FSTL5: variants seen among roughly 807,000 people sequenced by gnomAD.
FSTL5 encodes follistatin-related protein 5.
Under a neutral mutation model 89.1 loss-of-function variants are expected in FSTL5, and 62 were observed. The ratio of observed to expected loss-of-function variants is 0.70; its 90% confidence interval spans 0.57 to 0.86. The LOEUF (loss-of-function observed/expected upper bound fraction) is 0.86, where lower values mean the gene tolerates loss of function less well. Ranked by LOEUF, FSTL5 falls within the 40% of genes least tolerant of loss-of-function variation. The pLI is 0.00. For synonymous variants in FSTL5, 383 were observed against 346.2 expected (o/e 1.11, Z -1.18); for missense variants, 1,057 against 1,001.6 (o/e 1.06, Z -0.75).
chr4:161,527,752 C>G (rs372031164), intron 10 of FSTL5, among the ~76,000 whole-genome samples: 1 of 151,652 alleles, frequency 6.6e-6, no homozygotes, highest in African/African-American at 2.4e-5. Flanking sequence ...CCTCAGGGAT[C>G]TAGAACTAGA....
chr4:161,686,711 T>G (rs1560790000), intron 6 of FSTL5, among the ~76,000 whole-genome samples: 1 of 152,110 alleles, frequency 6.6e-6, no homozygotes, highest in Non-Finnish European at 1.5e-5. Context: ...AAAATACTTA[T>G]AATTTATTTA....
intron 1 of FSTL5, among the ~76,000 whole-genome samples, chr4:162,113,198 T>C (rs565029824): frequency 2.8e-4 from 43 of 152,204 alleles, no homozygotes; most frequent in Non-Finnish European, 5.6e-4. Flanking sequence ...CCTCGTAGTA[T>C]GCACACCTTC....
chr4:161,849,766 T>A (rs1731493820), intron 4 of FSTL5, among the ~76,000 whole-genome samples: 1 of 152,186 alleles, frequency 6.6e-6, no homozygotes, highest in Non-Finnish European at 1.5e-5. Flanking sequence ...TATGAAGTCC[T>A]AATGTCTTTA....
chr4:161,937,786 C>T (rs1734472180), intron 3 of FSTL5, among the ~76,000 whole-genome samples: 1 of 152,136 alleles, frequency 6.6e-6, no homozygotes, highest in Non-Finnish European at 1.5e-5. Context: ...CAATGGCAAA[C>T]TTAGAAGCCA....
intron 3 of FSTL5, among the ~76,000 whole-genome samples, chr4:161,945,517 G>C (rs1183656163): frequency 6.6e-6 from 1 of 152,202 alleles, no homozygotes; most frequent in Non-Finnish European, 1.5e-5. Context: ...ACTTTGGGAG[G>C]CTGAGGCAGT....
At chr4:161,748,432 G>A (rs1740277772) in intron 6 of FSTL5, among the ~76,000 whole-genome samples, 1 of 151,986 alleles carries the variant, frequency 6.6e-6, no homozygotes, top group African/African-American at 2.4e-5. Context: ...TACATTCCAT[G>A]TATCATAGTA....
intron 4 of FSTL5, among the ~76,000 whole-genome samples, chr4:161,836,609 T>C (rs1731051362): frequency 6.6e-6 from 1 of 152,012 alleles, no homozygotes; most frequent in East Asian, 1.9e-4. Flanking sequence ...TTAAGGAGTT[T>C]GGAGTGTATT....
chr4:161,438,812 G>A (rs1011177658), intron 15 of FSTL5, among the ~76,000 whole-genome samples: 1 of 151,958 alleles, frequency 6.6e-6, no homozygotes, highest in African/African-American at 2.4e-5. Context: ...AAAGAGATAA[G>A]CAATATAATC....
In FSTL5 at chr4:161,776,004, A is replaced by G. The variant is rs1038424973; in HGVS notation, c.480T>C (p.Tyr160=). The change falls in exon 5 of 16, where the codon TAT becomes TAC. Residue 160 remains tyrosine, a synonymous_variant. Coordinates refer to ENST00000306100, the MANE Select transcript of FSTL5 (RefSeq NM_020116.5). ...NMLLDLQNQK[Y]IMQENENPNG... ...TAGGATTTTCATTTTCTTGCATAAT[A>G]TATTTTTGATTTTGTAAATCTAATA... The G allele has an allele frequency of 6.3e-7, 1 of 1,597,144 alleles. No individual in the cohort carries two copies. Among genetic ancestry groups the G allele is most frequent in the Non-Finnish European group, 8.6e-7 (1 of 1,167,644 alleles).
rs557614665 is a variant in FSTL5, at chr4:161,892,750, T to C, written c.409+27654A>G. On this transcript the variant is annotated intron_variant, in intron 4 of 15. Transcript: ENST00000306100. ...GAAATTAAAATGCCTCTGAATATCA[T>C]TATTTTAATTAGTAGTTTAAAAATA... 5.3e-5 allele frequency among the ~76,000 whole-genome samples: 8 copies of C among 152,232 alleles called. No individual in the cohort carries two copies. The South Asian group carries it at 1.4e-3, about 28-fold the overall frequency.
chr4:161,501,118 A>C (rs1253228507), intron 11 of FSTL5, among the ~76,000 whole-genome samples: 1 of 152,184 alleles, frequency 6.6e-6, no homozygotes, highest in African/African-American at 2.4e-5. Flanking sequence ...AAAAGACAGC[A>C]ATAATATTAA....
At chr4:162,114,981 T>C (rs1395209612) in intron 1 of FSTL5, among the ~76,000 whole-genome samples, 4 of 152,178 alleles carry the variant, frequency 2.6e-5, no homozygotes, top group East Asian at 1.9e-4. Context: ...TATGACTGGA[T>C]TGATTTACTG....
At chr4:161,950,876 C>A (rs1466161091) in intron 3 of FSTL5, among the ~76,000 whole-genome samples, 1 of 151,970 alleles carries the variant, frequency 6.6e-6, no homozygotes, top group Non-Finnish European at 1.5e-5. Context: ...AACAATCATG[C>A]CAGAAAATAC....
intron 6 of FSTL5, among the ~76,000 whole-genome samples, chr4:161,740,015 T>C (rs1739957485): frequency 6.6e-6 from 1 of 151,522 alleles, no homozygotes; most frequent in African/African-American, 2.4e-5. Context: ...TATTTATTTA[T>C]TTATTTATTT....
intron 4 of FSTL5, among the ~76,000 whole-genome samples, chr4:161,810,690 T>G (rs374723901): frequency 6.6e-6 from 1 of 152,332 alleles, no homozygotes; most frequent in African/African-American, 2.4e-5. Flanking sequence ...CAACACTTAC[T>G]TCATAGCATT....
At chr4:161,420,858 ATATAT>A (rs1731963801) in intron 15 of FSTL5, among the ~76,000 whole-genome samples, 1 of 150,404 alleles carries the variant, frequency 6.6e-6, no homozygotes, top group Non-Finnish European at 1.5e-5. Context: ...GCCATAACAT[ATATAT>A]TATGTGTATG....
chr4:161,689,873 G>C lies in FSTL5; in HGVS notation c.728-33379C>G, dbSNP rs145646390. 4.2e-3 allele frequency among the ~76,000 whole-genome samples: 633 copies of C among 152,134 alleles called. 3 individuals are homozygous for C. Among genetic ancestry groups the C allele is most frequent in the African/African-American group, 0.015 (611 of 41,528 alleles). On this transcript the variant is annotated intron_variant, in intron 6 of 15. Transcript: ENST00000306100. Reference sequence around the variant, plus strand: ...TGTCACTATCGATTTACCTACTATGGATATTCCATATAAAAGAAATCATCC... The same window carrying C: ...TGTCACTATCGATTTACCTACTATGCATATTCCATATAAAAGAAATCATCC...
intron 3 of FSTL5, among the ~76,000 whole-genome samples, chr4:162,022,371 C>A (rs570323951): frequency 6.6e-6 from 1 of 151,774 alleles, no homozygotes; most frequent in Admixed American, 6.6e-5. Context: ...TGTATATTAA[C>A]ACTGTATATA....
chr4:161,434,536 T>G (rs7694864), intron 15 of FSTL5, among the ~76,000 whole-genome samples: 2 of 151,672 alleles, frequency 1.3e-5, no homozygotes, highest in African/African-American at 4.8e-5. Context: ...TTGTATCCGA[T>G]AAGCACAGGT....
Sources: allele counts gnomAD v4.1 joint callset (sites outside exome capture counted in the v4.1 genomes callset), GRCh38; gene constraint gnomAD v4.1.1; transcripts MANE v1.5; gene names NCBI Gene and HGNC (gene_info 2026-07-23, HGNC 2026-07-21).